CAMTA1: variants seen among roughly 807,000 people sequenced by gnomAD.
CAMTA1 encodes the protein calmodulin binding transcription activator 1, also known as calmodulin-binding transcription activator 1.
Under a neutral mutation model 170.9 loss-of-function variants are expected in CAMTA1, and 27 were observed. The observed-to-expected ratio is 0.16, with a 90% CI of 0.12 to 0.22. The LOEUF is 0.22. CAMTA1 is among the 10% of genes least tolerant of loss of function. CAMTA1 has a pLI of 1.00. For synonymous variants in CAMTA1, 833 were observed against 891.5 expected (o/e 0.93, Z 1.17); for missense variants, 1,619 against 2,217.2 (o/e 0.73, Z 5.42).
intron 3 of CAMTA1, among the ~76,000 whole-genome samples, chr1:7,031,361 G>A (rs1470294418): frequency 6.6e-6 from 1 of 151,848 alleles, no homozygotes; most frequent in Non-Finnish European, 1.5e-5. Context: ...AGTATTTTTT[G>A]TTCTGAAATC....
At chr1:6,928,568 T>A (rs959536329) in intron 3 of CAMTA1, among the ~76,000 whole-genome samples, 2 of 152,132 alleles carry the variant, frequency 1.3e-5, no homozygotes, top group African/African-American at 4.8e-5. Flanking sequence ...TGCCTGCCGT[T>A]GCCTGTTCCC....
At chr1:7,508,740 A>G (rs2094157898) in intron 6 of CAMTA1, among the ~76,000 whole-genome samples, 1 of 146,364 alleles carries the variant, frequency 6.8e-6, no homozygotes, top group Non-Finnish European at 1.5e-5. Context: ...GAGGGAAGGG[A>G]GGGAGGGACA....
intron 4 of CAMTA1, among the ~76,000 whole-genome samples, chr1:7,213,138 C>T (rs1326394602): frequency 6.6e-6 from 1 of 152,234 alleles, no homozygotes; most frequent in Non-Finnish European, 1.5e-5. Context: ...AGGAATGCAG[C>T]TGCTGGGTTG....
intron 3 of CAMTA1, among the ~76,000 whole-genome samples, chr1:7,018,946 G>T (rs1379114020): frequency 1.3e-5 from 2 of 152,286 alleles, no homozygotes; most frequent in East Asian, 3.9e-4. Flanking sequence ...TCTGCAGAGG[G>T]GCCCGAAGAG....
rs555873140 is a variant in CAMTA1 at position 7,458,564 on chromosome 1, CG to C, written c.439-9265del. Among the ~76,000 whole-genome samples, 48 of 152,308 alleles carry C rather than the reference CG, an allele frequency of 3.2e-4. No individual in the cohort carries two copies. The East Asian group carries it at 8.5e-3, about 27-fold the overall frequency. On this transcript the variant is annotated intron_variant, in intron 5 of 22. Transcript: ENST00000303635. ...GAGAATGAATTTTGGGGAGCCTTCC[CG>C]CCCCTGCCCAGAGGAGTCCCCCAAG...
chr1:7,457,692 C>T (rs1172627247), intron 5 of CAMTA1, among the ~76,000 whole-genome samples: 1 of 152,222 alleles, frequency 6.6e-6, no homozygotes, highest in African/African-American at 2.4e-5. Flanking sequence ...GGGGGAGCCT[C>T]CAGCTTGAAG....
chr1:6,799,316 G>C (rs1248168895), intron 1 of CAMTA1, among the ~76,000 whole-genome samples: 1 of 152,156 alleles, frequency 6.6e-6, no homozygotes, highest in African/African-American at 2.4e-5. Flanking sequence ...CAGTCATCCT[G>C]TCTCAGCCTC....
At chr1:7,320,484 C>T (rs1281312273) in intron 5 of CAMTA1, among the ~76,000 whole-genome samples, 1 of 152,072 alleles carries the variant, frequency 6.6e-6, no homozygotes, top group East Asian at 1.9e-4. Flanking sequence ...AGGGTTGCTA[C>T]TCAGTTGAAC....
chr1:6,905,188 CTTTTTTTTT>C (rs34960802), intron 3 of CAMTA1, among the ~76,000 whole-genome samples: 8 of 109,908 alleles, frequency 7.3e-5, no homozygotes, highest in South Asian at 3.1e-4. Context: ...TGCCTTGTTC[CTTTTTTTTT>C]TTTTTTTTTT....
chr1:6,956,769 TA>T (rs1238753083), intron 3 of CAMTA1, among the ~76,000 whole-genome samples: 2 of 152,206 alleles, frequency 1.3e-5, no homozygotes, highest in Non-Finnish European at 2.9e-5. Context: ...GTTGGCCCAT[TA>T]ACTCCCTCTG....
intron 1 of CAMTA1, among the ~76,000 whole-genome samples, chr1:6,801,812 A>G (rs563688167): frequency 6.1e-4 from 92 of 149,884 alleles, no homozygotes; most frequent in African/African-American, 1.9e-3. Context: ...AGAATCACAC[A>G]TTAAAAAAAA....
rs76590148 is a variant in CAMTA1 at position 7,733,452 on chromosome 1, A to G, written c.3066+853A>G. Among the ~76,000 whole-genome samples the G allele has an allele frequency of 4.8e-3, 738 of 152,330 alleles. 2 individuals are homozygous for G. Among genetic ancestry groups the G allele is most frequent in the Non-Finnish European group, 8.6e-3 (582 of 68,028 alleles). ...TTATACATTACAGCCTCTTTCACAA[A>G]CTTTCTGTAAGTTCCATAAAGAATG... On this transcript the variant is annotated intron_variant, in intron 12 of 22. Coordinates refer to ENST00000303635, the MANE Select transcript of CAMTA1 (RefSeq NM_015215.4).
chr1:7,525,448 G>T (rs186216755), intron 6 of CAMTA1, among the ~76,000 whole-genome samples: 2 of 151,532 alleles, frequency 1.3e-5, no homozygotes, highest in African/African-American at 2.4e-5. Flanking sequence ...TCTTGTGTGT[G>T]TTTTTTTTAA....
Position 7,284,941 on chromosome 1 carries a change from T to C in CAMTA1, c.438+35315T>C, listed in dbSNP as rs72863553. On this transcript the variant is annotated intron_variant, in intron 5 of 22. Coordinates refer to ENST00000303635, the MANE Select transcript of CAMTA1 (RefSeq NM_015215.4). ...AAGGATAGCCCAGTGGAGGGAGCCC[T>C]CCGCTTTCCAGCTCCATATGTGGGG... Among the ~76,000 whole-genome samples the C allele has an allele frequency of 7.3e-3, 1,105 of 152,306 alleles. 12 individuals are homozygous for C. Among genetic ancestry groups the C allele is most frequent in the African/African-American group, 0.026 (1,069 of 41,566 alleles).
chr1:7,242,887 A>G (rs1427261855), intron 4 of CAMTA1, among the ~76,000 whole-genome samples: 2 of 152,100 alleles, frequency 1.3e-5, no homozygotes, highest in Non-Finnish European at 2.9e-5. Context: ...GCATGAACCC[A>G]GAAGGCGGAG....
chr1:7,235,929 TTC>T (rs1218084677), intron 4 of CAMTA1, among the ~76,000 whole-genome samples: 2 of 152,230 alleles, frequency 1.3e-5, no homozygotes, highest in Admixed American at 1.3e-4. Context: ...GTCCTTATTA[TTC>T]GTATGGCTCT....
At chr1:7,694,432 A>G (rs1313994597) in intron 11 of CAMTA1, 1 of 152,250 alleles carries the variant, frequency 6.6e-6, no homozygotes, top group Non-Finnish European at 1.5e-5. Flanking sequence ...CACCTAAAAT[A>G]TGAAATTAAA....
chr1:6,863,805 G>C (rs1030518850), intron 3 of CAMTA1, among the ~76,000 whole-genome samples: 8 of 152,146 alleles, frequency 5.3e-5, no homozygotes, highest in African/African-American at 1.7e-4. Context: ...ACTTCATTCA[G>C]ATTTCCTTAA....
chr1:7,677,524 T>A (rs1203177504), intron 10 of CAMTA1, 75 bp from the exon 11 acceptor site: 1 of 1,526,994 alleles, frequency 6.5e-7, no homozygotes, highest in Non-Finnish European at 8.9e-7. Flanking sequence ...GAGGGGACAT[T>A]CCAGGCCCTG....
Sources: gnomAD v4.1 joint callset for allele counts (sites outside exome capture counted in the v4.1 genomes callset) on GRCh38, gnomAD v4.1.1 for gene constraint, MANE v1.5 for transcripts, NCBI Gene and HGNC (gene_info 2026-07-23, HGNC 2026-07-21) for gene names.